LRP12: variants seen among roughly 807,000 people sequenced by gnomAD.
The protein encoded by LRP12 is low-density lipoprotein receptor-related protein 12.
LRP12 carries 14 observed loss-of-function variants against 66.0 expected under a neutral mutation model. The ratio of observed to expected loss-of-function variants is 0.21; its 90% confidence interval spans 0.14 to 0.33. LRP12 has a LOEUF of 0.33. Ranked by LOEUF, LRP12 falls within the 10% of genes least tolerant of loss-of-function variation. The probability of loss-of-function intolerance (pLI) is 1.00; values close to 1 mark genes in which losing one functional copy is unlikely to be tolerated. For missense variants in LRP12, 889 were observed against 1,053.4 expected, an observed-to-expected ratio of 0.84 and a Z score of 2.16; for synonymous variants, 357 against 359.1, an observed-to-expected ratio of 0.99 and a Z score of 0.07.
chr8:104,490,496 A>G lies in LRP12; in HGVS notation c.*177T>C. On this transcript the variant is annotated 3_prime_UTR_variant, in exon 7 of 7. Transcript: ENST00000276654. ...GCATTTTTAGCTGCTAAAATAGTAA[A>G]CTCTAAGTTCATAGAGTTACAAGTT... The G allele has an allele frequency of 3.2e-6, 2 of 622,102 alleles. No individual in the cohort carries two copies. Among genetic ancestry groups the G allele is most frequent in the Non-Finnish European group, 5.4e-6 (2 of 372,400 alleles). 38.5% of individuals were successfully genotyped at this position (622,102 alleles called of 1,614,324 possible).
chr8:104,582,782 A>G (rs1389795448), intron 1 of LRP12, among the ~76,000 whole-genome samples: 1 of 152,162 alleles, frequency 6.6e-6, no homozygotes, highest in Non-Finnish European at 1.5e-5. Flanking sequence ...TAGATTAAAT[A>G]ACAGAAATCT....
chr8:104,548,328 AT>A (rs1374857564), intron 1 of LRP12, among the ~76,000 whole-genome samples: 3 of 9,628 alleles, frequency 3.1e-4, no homozygotes, highest in Non-Finnish European at 4.7e-4. Flanking sequence ...TATATAATAT[AT>A]ATTATATAAA....
chr8:104,581,479 A>G (rs2140901172), intron 1 of LRP12, among the ~76,000 whole-genome samples: 1 of 152,220 alleles, frequency 6.6e-6, no homozygotes, highest in Non-Finnish European at 1.5e-5. Flanking sequence ...AACCCCCATG[A>G]CACAAGTTTA....
chr8:104,539,923 G>A (rs1811449932), intron 1 of LRP12, among the ~76,000 whole-genome samples: 1 of 152,030 alleles, frequency 6.6e-6, no homozygotes, highest in African/African-American at 2.4e-5. Context: ...TTTACTACCT[G>A]TAAGGCCAAA....
chr8:104,505,002 C>T (rs1324239732), intron 3 of LRP12: 1 of 152,062 alleles, frequency 6.6e-6, no homozygotes, highest in African/African-American at 2.4e-5. Flanking sequence ...CCAAAACTAA[C>T]CTTTTCTATC....
intron 1 of LRP12, among the ~76,000 whole-genome samples, chr8:104,567,398 G>A (rs899787089): frequency 1.3e-5 from 2 of 152,070 alleles, no homozygotes; most frequent in African/African-American, 2.4e-5. Context: ...TCACTATCAC[G>A]AGAATAGCAC....
intron 2 of LRP12, among the ~76,000 whole-genome samples, chr8:104,510,944 C>T (rs1810984308): frequency 6.7e-6 from 1 of 149,744 alleles, no homozygotes; most frequent in African/African-American, 2.5e-5. Context: ...CACTCCCATG[C>T]TTTTTAAGTT....
At chr8:104,539,996 A>G (rs896739979) in intron 1 of LRP12, among the ~76,000 whole-genome samples, 2 of 152,142 alleles carry the variant, frequency 1.3e-5, no homozygotes, top group Non-Finnish European at 2.9e-5. Context: ...CTTGTGTTAC[A>G]TGTCGGCAGG....
At position 104,490,647 on chromosome 8, in the gene LRP12, T is replaced by C; in HGVS notation, c.*26A>G. The C allele has an allele frequency of 1.3e-6, 2 of 1,558,644 alleles. No individual in the cohort carries two copies. The highest frequency in any genetic ancestry group is 4.5e-5 in the East Asian group (2 of 44,400). Reference sequence around the variant, plus strand: ...TAAATGGATATTGCTCCAACTTGTATACAATCTCCCTTATGTGATTCGTAC... The same window carrying C: ...TAAATGGATATTGCTCCAACTTGTACACAATCTCCCTTATGTGATTCGTAC... On this transcript the variant is annotated 3_prime_UTR_variant, in exon 7 of 7. Transcript: ENST00000276654.
At chr8:104,554,310 C>A (rs145653626) in intron 1 of LRP12, among the ~76,000 whole-genome samples, 1 of 151,952 alleles carries the variant, frequency 6.6e-6, no homozygotes, top group African/African-American at 2.4e-5. Flanking sequence ...TTCAGATGGT[C>A]GATTATTAAG....
At chr8:104,506,818 T>G (rs907000197) in intron 3 of LRP12, 8 of 152,234 alleles carry the variant, frequency 5.3e-5, no homozygotes, top group Non-Finnish European at 7.4e-5. Context: ...TTCACCATCT[T>G]AAGCAAGTTT....
At chr8:104,542,585 C>T (rs1811494962) in intron 1 of LRP12, among the ~76,000 whole-genome samples, 1 of 152,136 alleles carries the variant, frequency 6.6e-6, no homozygotes, top group African/African-American at 2.4e-5. Context: ...CCCTGAACAA[C>T]ACAGGGGTTA....
intron 3 of LRP12, chr8:104,507,914 T>C (rs1219832133): frequency 6.6e-6 from 1 of 152,034 alleles, no homozygotes; most frequent in Non-Finnish European, 1.5e-5. Flanking sequence ...AGTTAATAAA[T>C]ACAAAAAAGG....
In LRP12 at chr8:104,489,568, T is replaced by C. The variant is rs1810584740; in HGVS notation, c.*1105A>G. 8 of 152,204 alleles carry C rather than the reference T, an allele frequency of 5.3e-5. No homozygotes were observed. The highest frequency in any genetic ancestry group is 2.1e-4 in the South Asian group (1 of 4,836). The allele number at this position is 152,204 out of a possible 1,614,324, so 9.4% of individuals were successfully genotyped here. ...ATTTCTTAATTTTCTTTTGAGAGTG[T>C]AGCATGATCCCCCCCAGGAATAAAA... On this transcript the variant is annotated 3_prime_UTR_variant, in exon 7 of 7. Transcript: ENST00000276654.
intron 1 of LRP12, among the ~76,000 whole-genome samples, chr8:104,535,876 A>G (rs1017550025): frequency 1.1e-4 from 16 of 152,060 alleles, no homozygotes; most frequent in Admixed American, 8.5e-4. Flanking sequence ...TGTAAAAGAA[A>G]TAGTGCTTAG....
chr8:104,525,134 G>A (rs1811213354), intron 2 of LRP12, among the ~76,000 whole-genome samples: 1 of 151,912 alleles, frequency 6.6e-6, no homozygotes, highest in Admixed American at 6.6e-5. Flanking sequence ...AGTTTCTGTG[G>A]TATAATTCAT....
rs1491015356 is a variant in LRP12 at position 104,588,999 on chromosome 8, G to GCCGCCGC, written c.-103_-102insGCGGCGG. 109 of 870,268 alleles carry GCCGCCGC rather than the reference G, an allele frequency of 1.3e-4. No individual in the cohort carries two copies. The highest frequency in any genetic ancestry group is 6.5e-4 in the East Asian group (19 of 29,110). 53.9% of individuals were successfully genotyped at this position (870,268 alleles called of 1,614,324 possible). A position where few individuals can be genotyped will look rare whatever the true frequency, so the allele number is the denominator to read the frequency against. On this transcript the variant is annotated 5_prime_UTR_variant, in exon 1 of 7. Transcript: ENST00000276654. Reference sequence around the variant, plus strand: ...CGCCGCCGCCGCCGCCGCCGCCGCCGAGCCACCGGCTGCTCCCTGCGCTCT... The same window carrying GCCGCCGC: ...CGCCGCCGCCGCCGCCGCCGCCGCCGCCGCCGCAGCCACCGGCTGCTCCCTGCGCTCT...
At chr8:104,491,595 A>AG in intron 6 of LRP12, 56 bp from the exon 7 acceptor site, 1 of 1,311,046 alleles carries the variant, frequency 7.6e-7, no homozygotes, top group Non-Finnish European at 1.0e-6. Context: ...TAAGATAAAA[A>AG]AAAAAAAAAA....
In LRP12 at chr8:104,516,186, A is replaced by G. The variant is rs189305446; in HGVS notation, c.137-7112T>C. 2.5e-4 allele frequency among the ~76,000 whole-genome samples: 38 copies of G among 152,338 alleles called. No homozygotes were observed. In the East Asian group the frequency reaches 6.9e-3, roughly 28 times the overall value. Reference sequence around the variant, plus strand: ...ACTTTTTATAAATTTTCTATAACCCAGAAATAGAAATCCCCAAATTAAAGA... The same window carrying G: ...ACTTTTTATAAATTTTCTATAACCCGGAAATAGAAATCCCCAAATTAAAGA... On this transcript the variant is annotated intron_variant, in intron 2 of 6. Coordinates refer to ENST00000276654, the MANE Select transcript of LRP12 (RefSeq NM_013437.5).
Sources: gnomAD v4.1 joint callset for allele counts (sites outside exome capture counted in the v4.1 genomes callset) on GRCh38, gnomAD v4.1.1 for gene constraint, MANE v1.5 for transcripts, NCBI Gene and HGNC (gene_info 2026-07-23, HGNC 2026-07-21) for gene names.